Variants in DLGAP4 observed in about 807,000 individuals in gnomAD.
DLGAP4 encodes the protein DLG associated protein 4.
In DLGAP4, 18 loss-of-function variants were observed where a neutral mutation model predicts 86.9. That is an observed-to-expected ratio of 0.21 (90% CI 0.14 to 0.31). DLGAP4 has a LOEUF of 0.31. DLGAP4 is among the 10% of genes least tolerant of loss of function. The pLI, the probability that DLGAP4 is intolerant of heterozygous loss-of-function variation, is 1.00. For missense variants in DLGAP4, 1,085 were observed against 1,362.6 expected, an observed-to-expected ratio of 0.80 and a Z score of 3.21; for synonymous variants, 548 against 574.3, an observed-to-expected ratio of 0.95 and a Z score of 0.65.
chr20:36,519,076 C>T (rs1262809870), intron 10 of DLGAP4, among the ~76,000 whole-genome samples: 1 of 151,584 alleles, frequency 6.6e-6, no homozygotes, highest in Non-Finnish European at 1.5e-5. Context: ...GAGATCGTAC[C>T]ACTGCACACC....
At chr20:36,355,418 T>C (rs1238551018) in intron 1 of DLGAP4, among the ~76,000 whole-genome samples, 1 of 151,850 alleles carries the variant, frequency 6.6e-6, no homozygotes, top group Non-Finnish European at 1.5e-5. Flanking sequence ...CACCTCAGCC[T>C]CCTGAGTAAC....
chr20:36,455,695 T>G (rs993091468), intron 7 of DLGAP4, among the ~76,000 whole-genome samples: 5 of 152,064 alleles, frequency 3.3e-5, no homozygotes, highest in Admixed American at 2.0e-4. Context: ...GACAATCCAG[T>G]CATCAGCTGC....
At chr20:36,489,529 C>T (rs2035565116) in intron 7 of DLGAP4, among the ~76,000 whole-genome samples, 2 of 152,220 alleles carry the variant, frequency 1.3e-5, no homozygotes. Context: ...TGAATGCCCC[C>T]ACTGAAGGGT....
Position 36,497,277 on chromosome 20 carries a change from G to T in DLGAP4, c.2010+211G>T, listed in dbSNP as rs559664848. Reference sequence around the variant, plus strand: ...CACGTGCTGCTGGTCAGCAGCTGTGGGCATGTGTTTCTGCTCCTCCAGTGG... The same window carrying T: ...CACGTGCTGCTGGTCAGCAGCTGTGTGCATGTGTTTCTGCTCCTCCAGTGG... On this transcript the variant is annotated intron_variant, in intron 8 of 12. Coordinates refer to ENST00000339266, the MANE Select transcript of DLGAP4 (RefSeq NM_001365621.2). The T allele has an allele frequency of 7.1e-6, 7 of 985,410 alleles. No individual in the cohort carries two copies. The African/African-American group carries it at 1.2e-4, about 17-fold the overall frequency. 61.0% of individuals were successfully genotyped at this position (985,410 alleles called of 1,614,324 possible). A position where few individuals can be genotyped will look rare whatever the true frequency, so the allele number is the denominator to read the frequency against.
intron 7 of DLGAP4, among the ~76,000 whole-genome samples, chr20:36,448,683 C>T (rs1175383476): frequency 6.6e-6 from 1 of 152,128 alleles, no homozygotes; most frequent in Admixed American, 6.5e-5. Flanking sequence ...CCTGTAATCC[C>T]AGCACTTTGT....
At chr20:36,480,752 T>C (rs73279408) in intron 7 of DLGAP4, among the ~76,000 whole-genome samples, 2,968 of 152,004 alleles carry the variant, frequency 0.02, 88 homozygotes, top group African/African-American at 0.067. Flanking sequence ...ACGCCTGTAA[T>C]CCCAGCACTT....
intron 7 of DLGAP4, among the ~76,000 whole-genome samples, chr20:36,479,691 A>T (rs905581760): frequency 6.6e-6 from 1 of 152,074 alleles, no homozygotes; most frequent in Non-Finnish European, 1.5e-5. Context: ...GAAGGGGGTG[A>T]TGGAGAGTTA....
chr20:36,408,252 G>C (rs946926954), intron 2 of DLGAP4, among the ~76,000 whole-genome samples: 9 of 151,946 alleles, frequency 5.9e-5, no homozygotes, highest in Admixed American at 5.3e-4. Flanking sequence ...GGGAAGAACA[G>C]GGAGGAGGGC....
At chr20:36,507,129 T>C (rs1174538494) in intron 10 of DLGAP4, among the ~76,000 whole-genome samples, 1 of 152,216 alleles carries the variant, frequency 6.6e-6, no homozygotes, top group Non-Finnish European at 1.5e-5. Context: ...CTCTTAAGAA[T>C]GATACTCTTC....
chr20:36,461,445 A>C, intron 7 of DLGAP4: 1 of 834,286 alleles, frequency 1.2e-6, no homozygotes, highest in African/African-American at 6.3e-5. Flanking sequence ...CGGGACTTTA[A>C]CCCGGAGCCC....
At chr20:36,367,437 T>C (rs2030728567) in intron 2 of DLGAP4, among the ~76,000 whole-genome samples, 162 bp downstream of exon 2, 1 of 152,214 alleles carries the variant, frequency 6.6e-6, no homozygotes, top group African/African-American at 2.4e-5. Context: ...CAATGGCCTG[T>C]CTTAGCCAGT....
In DLGAP4 at chr20:36,315,655, G is replaced by GT. The variant is rs2065092428; in HGVS notation, c.-304+9144dup. Reference sequence around the variant, plus strand: ...CAACATTCCTGAGGCCCTGCAGCAAGTAAGAGTGGGGCTGGGCCTCCCCTT... The same window carrying GT: ...CAACATTCCTGAGGCCCTGCAGCAAGTTAAGAGTGGGGCTGGGCCTCCCCTT... On this transcript the variant is annotated intron_variant, in intron 1 of 12. Coordinates refer to ENST00000339266, the MANE Select transcript of DLGAP4 (RefSeq NM_001365621.2). Among the ~76,000 whole-genome samples, 3 of 152,144 alleles carry GT rather than the reference G, an allele frequency of 2.0e-5. No individual in the cohort carries two copies. The South Asian group carries it at 6.2e-4, about 31-fold the overall frequency.
chr20:36,492,869 C>G (rs2035727207), intron 7 of DLGAP4: 1 of 152,154 alleles, frequency 6.6e-6, no homozygotes, highest in African/African-American at 2.4e-5. Context: ...CCATTCCTTT[C>G]CTGAAATCCT....
intron 4 of DLGAP4, 109 bp downstream of exon 4, chr20:36,436,459 G>T (rs961206248): frequency 1.6e-5 from 23 of 1,420,582 alleles, no homozygotes; most frequent in Middle Eastern, 4.9e-4. Context: ...CGCCTGCGTG[G>T]GAGCCACGCC....
At chr20:36,470,575 T>TAA (rs75020252) in intron 7 of DLGAP4, among the ~76,000 whole-genome samples, 4 of 134,412 alleles carry the variant, frequency 3.0e-5, no homozygotes, top group Admixed American at 7.5e-5. Context: ...CAAACTTGGT[T>TAA]AAAAAAAAAA....
intron 1 of DLGAP4, among the ~76,000 whole-genome samples, chr20:36,358,714 A>G (rs1420331120): frequency 6.6e-6 from 1 of 152,192 alleles, no homozygotes; most frequent in Non-Finnish European, 1.5e-5. Context: ...AGGCTGAGGC[A>G]GGAGAATGGC....
chr20:36,403,615 A>T (rs2032227658), intron 2 of DLGAP4, among the ~76,000 whole-genome samples: 1 of 152,256 alleles, frequency 6.6e-6, no homozygotes, highest in African/African-American at 2.4e-5. Flanking sequence ...GGAAGTATAC[A>T]AGCAAACTCA....
rs28479958 is a variant in DLGAP4 at position 36,308,493 on chromosome 20, G to A, written c.-304+1981G>A. ...CAGGTCTGAGGGCTGTGCCCCGGGC[G>A]TGAAGCTGCCTGGCAGCTGAGTTGG... On this transcript the variant is annotated intron_variant, in intron 1 of 12. Coordinates refer to ENST00000339266, the MANE Select transcript of DLGAP4 (RefSeq NM_001365621.2). The surrounding 1 kb of genome is among the most constrained non-coding windows in gnomAD (Gnocchi z 4.5). Among the ~76,000 whole-genome samples, 70 of 152,348 alleles carry A rather than the reference G, an allele frequency of 4.6e-4. No homozygotes were observed. The highest frequency in any genetic ancestry group is 1.6e-3 in the African/African-American group (66 of 41,578).
intron 2 of DLGAP4, among the ~76,000 whole-genome samples, chr20:36,411,067 T>A (rs757241772): frequency 3.4e-4 from 52 of 152,256 alleles, no homozygotes; most frequent in Non-Finnish European, 6.5e-4. Flanking sequence ...CTCAGCTCAC[T>A]GCAACCTCCG....
Sources: allele counts gnomAD v4.1 joint callset (sites outside exome capture counted in the v4.1 genomes callset), GRCh38; gene constraint gnomAD v4.1.1; non-coding constraint Gnocchi (gnomAD v3.1); transcripts MANE v1.5; gene names NCBI Gene and HGNC (gene_info 2026-07-23, HGNC 2026-07-21).